The following SGCZ variants were observed in gnomAD, a reference collection of about 807,000 sequenced individuals.
SGCZ encodes the protein sarcoglycan zeta.
SGCZ carries 40 observed loss-of-function variants against 41.3 expected under a neutral mutation model. The observed-to-expected ratio is 0.97, with a 90% CI of 0.75 to 1.26. The LOEUF is 1.26. Ranked by LOEUF, SGCZ falls within the 50% of genes most tolerant of loss-of-function variation. SGCZ has a pLI of 0.00. For missense variants in SGCZ, 552 were observed against 369.8 expected (o/e 1.49, Z -4.04); for synonymous variants, 206 against 137.5 (o/e 1.50, Z -3.49).
At chr8:14,158,865 T>G (rs1277493592) in intron 5 of SGCZ, among the ~76,000 whole-genome samples, 4 of 152,054 alleles carry the variant, frequency 2.6e-5, no homozygotes, top group African/African-American at 9.7e-5. Context: ...GCCTCCTGGG[T>G]TCAAATGATC....
chr8:14,697,669 C>T (rs538871203), intron 1 of SGCZ, among the ~76,000 whole-genome samples: 10 of 151,860 alleles, frequency 6.6e-5, no homozygotes, highest in African/African-American at 2.4e-4. Context: ...TTGAGAATTT[C>T]CTCACCTTCT....
At chr8:14,130,752 C>G (rs1207243086) in intron 5 of SGCZ, among the ~76,000 whole-genome samples, 1 of 152,110 alleles carries the variant, frequency 6.6e-6, no homozygotes, top group Non-Finnish European at 1.5e-5. Context: ...AGGTAAATGC[C>G]AGCAGCTGTG....
intron 1 of SGCZ, among the ~76,000 whole-genome samples, chr8:14,912,041 T>C (rs1165704816): frequency 1.3e-5 from 2 of 151,752 alleles, no homozygotes; most frequent in Non-Finnish European, 2.9e-5. Context: ...GCACTGACGC[T>C]ATGTAAGCTA....
intron 1 of SGCZ, among the ~76,000 whole-genome samples, chr8:14,848,607 A>G (rs1360512197): frequency 6.6e-6 from 1 of 152,232 alleles, no homozygotes; most frequent in Non-Finnish European, 1.5e-5. Context: ...AAGAAGGATA[A>G]TCTTTCAACA....
chr8:14,309,943 A>C (rs112795878), intron 3 of SGCZ, among the ~76,000 whole-genome samples: 2,104 of 151,748 alleles, frequency 0.014, 52 homozygotes, highest in African/African-American at 0.048. Flanking sequence ...TTCCTGGCCC[A>C]CTCTGTAATA....
chr8:14,174,778 C>T (rs968512342), intron 4 of SGCZ, among the ~76,000 whole-genome samples: 21 of 152,064 alleles, frequency 1.4e-4, no homozygotes, highest in South Asian at 8.3e-4. Context: ...ACAATACAAA[C>T]GTATTGTCTC....
intron 2 of SGCZ, among the ~76,000 whole-genome samples, chr8:14,483,606 C>A (rs189672699): frequency 6.2e-4 from 94 of 152,236 alleles, no homozygotes; most frequent in African/African-American, 2.2e-3. Flanking sequence ...TTGATTTCAA[C>A]ACTAATTTAT....
intron 1 of SGCZ, among the ~76,000 whole-genome samples, chr8:15,003,461 G>C (rs2130913985): frequency 6.6e-6 from 1 of 152,262 alleles, no homozygotes; most frequent in South Asian, 2.1e-4. Flanking sequence ...ATACAGGTAT[G>C]CTATAAGGTG....
chr8:14,948,042 A>G (rs1357699697), intron 1 of SGCZ, among the ~76,000 whole-genome samples: 2 of 152,168 alleles, frequency 1.3e-5, no homozygotes, highest in Non-Finnish European at 2.9e-5. Context: ...TTCATTATGG[A>G]GAAGGACAGA....
At chr8:14,778,315 A>T (rs750528803) in intron 1 of SGCZ, among the ~76,000 whole-genome samples, 5 of 152,164 alleles carry the variant, frequency 3.3e-5, no homozygotes, top group Non-Finnish European at 7.3e-5. Context: ...ATATTTCAGA[A>T]TAGGATTTCT....
At chr8:15,136,723 G>T (rs149331811) in intron 1 of SGCZ, among the ~76,000 whole-genome samples, 1 of 152,250 alleles carries the variant, frequency 6.6e-6, no homozygotes, top group African/African-American at 2.4e-5. Context: ...AACCATGATT[G>T]TAAGTTTCCT....
intron 5 of SGCZ, among the ~76,000 whole-genome samples, chr8:14,121,650 ATTTAT>A (rs1180875463): frequency 1.3e-5 from 2 of 152,228 alleles, no homozygotes; most frequent in African/African-American, 4.8e-5. Context: ...GTGTAGCAAA[ATTTAT>A]TTTGTCAGTT....
rs1799271476 is a variant in SGCZ, at chr8:14,251,188, A to G, written c.337-13509T>C. 3.3e-5 allele frequency among the ~76,000 whole-genome samples: 5 copies of G among 152,148 alleles called. No individual in the cohort carries two copies. In the East Asian group the frequency reaches 9.6e-4, roughly 29 times the overall value. On this transcript the variant is annotated intron_variant, in intron 3 of 7. Transcript: ENST00000382080. ...GGTTGTGGTGAGCAGAGATAGTGCC[A>G]CTGTACTCCAGTCTGGGCAACAGAG... is the stretch of plus-strand genomic sequence containing the variant.
rs547950231 is a variant in SGCZ at position 15,206,833 on chromosome 8, G to A, written c.39+30752C>T. Among the ~76,000 whole-genome samples the A allele has an allele frequency of 3.9e-4, 60 of 152,086 alleles. 1 individual carries two copies. In the South Asian group the frequency reaches 9.8e-3, roughly 25 times the overall value. ...GATTTCGTTCATAATGGCATAATTC[G>A]AGGGGTACTTTAGAAAGGTGAATTT... On this transcript the variant is annotated intron_variant, in intron 1 of 7. Transcript: ENST00000382080.
At chr8:14,517,339 C>T (rs934433897) in intron 2 of SGCZ, among the ~76,000 whole-genome samples, 2 of 152,100 alleles carry the variant, frequency 1.3e-5, no homozygotes, top group Admixed American at 1.3e-4. Context: ...TGATCTCTTT[C>T]ATTTTAGTGC....
At chr8:14,510,265 G>A (rs186356076) in intron 2 of SGCZ, among the ~76,000 whole-genome samples, 1 of 152,104 alleles carries the variant, frequency 6.6e-6, no homozygotes, top group Non-Finnish European at 1.5e-5. Context: ...TGGTGGAGTA[G>A]AAAGTAAACT....
chr8:14,659,517 C>T (rs1048629761), intron 1 of SGCZ, among the ~76,000 whole-genome samples: 1 of 152,174 alleles, frequency 6.6e-6, no homozygotes, highest in East Asian at 1.9e-4. Context: ...AGAACAATTA[C>T]ATATTATACT....
chr8:14,753,375 C>G (rs1799559545), intron 1 of SGCZ, among the ~76,000 whole-genome samples: 1 of 152,130 alleles, frequency 6.6e-6, no homozygotes, highest in Non-Finnish European at 1.5e-5. Context: ...ACAAATATCT[C>G]ATCTTCGGCC....
At chr8:14,381,489 T>C (rs1804361642) in intron 2 of SGCZ, among the ~76,000 whole-genome samples, 2 of 151,978 alleles carry the variant, frequency 1.3e-5, no homozygotes, top group African/African-American at 4.8e-5. Flanking sequence ...TAAAGCCCCA[T>C]AGCAGCCAGG....
Sources: allele counts gnomAD v4.1 joint callset (sites outside exome capture counted in the v4.1 genomes callset), GRCh38; gene constraint gnomAD v4.1.1; transcripts MANE v1.5; gene names NCBI Gene and HGNC (gene_info 2026-07-23, HGNC 2026-07-21).